WDR17: variants seen among roughly 807,000 people sequenced by gnomAD.
WDR17 encodes the protein WD repeat-containing protein 17.
In WDR17, 143 loss-of-function variants were observed where a neutral mutation model predicts 161.7. The ratio of observed to expected loss-of-function variants is 0.88; its 90% CI spans 0.77 to 1.02. The LOEUF is 1.02. Among genes scored for constraint, WDR17 ranks in the 50% least tolerant of loss-of-function variants. The pLI is 0.00. For synonymous variants in WDR17, 517 were observed against 515.6 expected (o/e 1.00, Z -0.04); for missense variants, 1,469 against 1,520.9 (o/e 0.97, Z 0.57).
chr4:176,163,960 A>G (rs1250234868), intron 22 of WDR17, among the ~76,000 whole-genome samples: 3 of 152,206 alleles, frequency 2.0e-5, no homozygotes, highest in African/African-American at 7.2e-5. Context: ...TCTCTCAAAT[A>G]CTTAGGATCT....
Position 176,172,199 on chromosome 4 carries a change from C to A in WDR17, c.3103-176C>A, listed in dbSNP as rs1038477477. On this transcript the variant is annotated intron_variant, in intron 23 of 28. Coordinates refer to ENST00000508596, the MANE Select transcript of WDR17 (RefSeq NM_181265.4). ...ATATCCCCTCTTACTGTTTTTAGAT[C>A]TTAAAGGTATTTCCATAAATATATT... 3.1e-5 allele frequency: 18 copies of A among 584,810 alleles called. No homozygotes were observed. In the African/African-American group the frequency reaches 3.5e-4, roughly 11 times the overall value. The allele number at this position is 584,810 out of a possible 1,614,324, so 36.2% of individuals were successfully genotyped here.
intron 12 of WDR17, 108 bp from the exon 13 acceptor site, chr4:176,148,025 G>C: frequency 1.3e-6 from 1 of 797,596 alleles, no homozygotes; most frequent in Non-Finnish European, 1.8e-6. Flanking sequence ...GACATAAAAT[G>C]CTTCTAGATA....
chr4:176,112,906 A>G (rs906580101), intron 2 of WDR17, among the ~76,000 whole-genome samples: 1 of 152,148 alleles, frequency 6.6e-6, no homozygotes, highest in Admixed American at 6.5e-5. Context: ...TCTTTTCATT[A>G]CTACATATTC....
In WDR17 at chr4:176,131,255, T is replaced by A. The variant is rs182399579; in HGVS notation, c.914-299T>A. Among the ~76,000 whole-genome samples the A allele has an allele frequency of 6.9e-3, 1,045 of 152,222 alleles. 6 individuals carry two copies. Among genetic ancestry groups the A allele is most frequent in the Non-Finnish European group, 0.011 (721 of 68,010 alleles). The stretch of plus-strand genomic sequence containing the variant: ...TTGAAGGAAGTTTATAATTCAGAAA[T>A]AATCATGCTGAGCTTTAATTTATAG... On this transcript the variant is annotated intron_variant, in intron 6 of 28. Transcript: ENST00000508596.
intron 7 of WDR17, among the ~76,000 whole-genome samples, chr4:176,133,749 T>C (rs1247784496): frequency 6.6e-6 from 1 of 151,470 alleles, no homozygotes; most frequent in East Asian, 1.9e-4. Flanking sequence ...ATGAGAAAAA[T>C]ATTATTAATA....
At chr4:176,142,291 C>CA (rs1561169152) in intron 11 of WDR17, among the ~76,000 whole-genome samples, 1 of 152,000 alleles carries the variant, frequency 6.6e-6, no homozygotes, top group Admixed American at 6.5e-5. Flanking sequence ...TTCCTACTCT[C>CA]AAAAAAACTT....
chr4:176,177,739 G>A lies in WDR17; in HGVS notation c.3732+85G>A, dbSNP rs544756977. On this transcript the variant is annotated intron_variant, in intron 28 of 28. Transcript: ENST00000508596. ...AAATATCTTAAAATAAGCCTAATTTGGATAAAAGTAGGTAATTTAGGACTG... is the reference window on the plus strand; with the variant it reads ...AAATATCTTAAAATAAGCCTAATTTAGATAAAAGTAGGTAATTTAGGACTG... 3 of 1,385,598 alleles carry A rather than the reference G, an allele frequency of 2.2e-6. No individual in the cohort carries two copies. In the East Asian group the frequency reaches 7.6e-5, roughly 35 times the overall value. The allele number at this position is 1,385,598 out of a possible 1,614,324, so 85.8% of individuals were successfully genotyped here.
Position 176,131,601 on chromosome 4 carries a change from G to T in WDR17, c.961G>T (p.Glu321Ter). 6.2e-7 allele frequency: 1 copy of T among 1,612,000 alleles called. No homozygotes were observed. The highest frequency in any genetic ancestry group is 8.5e-7 in the Non-Finnish European group (1 of 1,178,954). The change falls in exon 7 of 29, where the codon GAA becomes TAA. Residue 321 changes from glutamate (E) to a stop codon, truncating the protein, a stop_gained. Coordinates refer to ENST00000508596, the MANE Select transcript of WDR17 (RefSeq NM_181265.4). LOFTEE classifies it high-confidence loss of function. The stretch of plus-strand genomic sequence containing the variant: ...AAATCATTATACATCCTCAACAAGC[G>T]AAGCAGTTCCACCCCCAACTTTAAC... ...TKNHYTSSTS[E>*]AVPPPTLTQN...
At chr4:176,135,810 C>T (rs912350239) in intron 8 of WDR17, among the ~76,000 whole-genome samples, 6 of 151,380 alleles carry the variant, frequency 4.0e-5, no homozygotes, top group Non-Finnish European at 7.4e-5. Context: ...CATTTTCTCC[C>T]AAAACATTAT....
intron 5 of WDR17, among the ~76,000 whole-genome samples, chr4:176,126,415 C>A (rs1181722670): frequency 6.6e-6 from 1 of 151,994 alleles, no homozygotes; most frequent in African/African-American, 2.4e-5. Flanking sequence ...ATTTGCTTAG[C>A]GTAAAATAAT....
chr4:176,079,845 G>T (rs190820820), intron 1 of WDR17, among the ~76,000 whole-genome samples: 2 of 151,996 alleles, frequency 1.3e-5, no homozygotes, highest in African/African-American at 2.4e-5. Flanking sequence ...ACAAGGCGAG[G>T]GGGGGTGAGC....
chr4:176,113,194 C>G (rs1202247095), intron 2 of WDR17, among the ~76,000 whole-genome samples: 1 of 152,008 alleles, frequency 6.6e-6, no homozygotes, highest in East Asian at 1.9e-4. Flanking sequence ...CTTGTCACTC[C>G]CAAATCCCAC....
chr4:176,141,175 T>C (rs1315958386), intron 10 of WDR17, among the ~76,000 whole-genome samples: 1 of 139,794 alleles, frequency 7.2e-6, no homozygotes, highest in Non-Finnish European at 1.6e-5. Context: ...TTAAATTATA[T>C]AGAATCCTTT....
rs1234475255 is a variant in WDR17, at chr4:176,116,972, A to T, written c.307+993A>T. Among the ~76,000 whole-genome samples, 3 of 152,004 alleles carry T rather than the reference A, an allele frequency of 2.0e-5. No individual in the cohort carries two copies. In the East Asian group the frequency reaches 5.8e-4, roughly 29 times the overall value. On this transcript the variant is annotated intron_variant, in intron 3 of 28. Transcript: ENST00000508596. ...ATTTGTCAAATGAAGTTAATTTTCA[A>T]CTAGAAGTATATGGATCTCATTCCC...
At chr4:176,154,867 C>G (rs1329581235) in intron 17 of WDR17, among the ~76,000 whole-genome samples, 1 of 152,138 alleles carries the variant, frequency 6.6e-6, no homozygotes, top group East Asian at 1.9e-4. Flanking sequence ...AAATTTTCCT[C>G]TCAGTTCCAC....
intron 1 of WDR17, among the ~76,000 whole-genome samples, chr4:176,107,464 AAG>A (rs562006895): frequency 1.5e-3 from 219 of 150,166 alleles, no homozygotes; most frequent in African/African-American, 5.2e-3. Context: ...CAGGGTGTGG[AAG>A]AGATATTTGT....
At chr4:176,170,370 C>A (rs1351500280) in intron 23 of WDR17, among the ~76,000 whole-genome samples, 1 of 144,524 alleles carries the variant, frequency 6.9e-6, no homozygotes, top group East Asian at 2.0e-4. Context: ...GGCTGGAGTG[C>A]AATGGCACGA....
chr4:176,145,954 C>T (rs1579182407), intron 11 of WDR17, 41 bp from the exon 12 acceptor site: 1 of 1,546,612 alleles, frequency 6.5e-7, no homozygotes, highest in East Asian at 2.3e-5. Flanking sequence ...AGTTATATAT[C>T]ATATTTATCC....
rs1416534585 is a variant in WDR17, at chr4:176,125,362, T to C, written c.790+7T>C. 5.6e-6 allele frequency: 9 copies of C among 1,613,256 alleles called. No individual in the cohort carries two copies. The highest frequency in any genetic ancestry group is 7.6e-6 in the Non-Finnish European group (9 of 1,179,478). Reference sequence around the variant, plus strand: ...GGGATGTTTATAACTGGAGGTAAGCTAATCCCCATAACCCAGAGTTTTAAA... The same window carrying C: ...GGGATGTTTATAACTGGAGGTAAGCCAATCCCCATAACCCAGAGTTTTAAA... On this transcript the variant is annotated splice_region_variant and intron_variant, in intron 5 of 28. Transcript: ENST00000508596.
Sources: gnomAD v4.1 joint callset for allele counts (sites outside exome capture counted in the v4.1 genomes callset) on GRCh38, gnomAD v4.1.1 for gene constraint, MANE v1.5 for transcripts, NCBI Gene and HGNC (gene_info 2026-07-23, HGNC 2026-07-21) for gene names.